LAMA4: variants seen among roughly 807,000 people sequenced by gnomAD.
The protein encoded by LAMA4 is laminin subunit alpha 4.
Under a neutral mutation model 207.1 loss-of-function variants are expected in LAMA4, and 127 were observed. The ratio of observed to expected loss-of-function variants is 0.61; its 90% confidence interval spans 0.53 to 0.71. The LOEUF is 0.71. Ranked by LOEUF, LAMA4 falls within the 30% of genes least tolerant of loss-of-function variation. The pLI, the probability that LAMA4 is intolerant of heterozygous loss-of-function variation, is 0.00. For synonymous variants in LAMA4, 761 were observed against 816.0 expected (o/e 0.93, Z 1.15); for missense variants, 2,093 against 2,246.5 (o/e 0.93, Z 1.38).
At chr6:112,121,744 A>G in intron 32 of LAMA4, 1 of 392,558 alleles carries the variant, frequency 2.5e-6, no homozygotes, top group South Asian at 2.3e-5. Flanking sequence ...AACTTGCTCC[A>G]TCTTCCTTTC....
At chr6:112,150,919 T>C (rs1264247609) in intron 16 of LAMA4, among the ~76,000 whole-genome samples, 1 of 152,158 alleles carries the variant, frequency 6.6e-6, no homozygotes, top group East Asian at 1.9e-4. Context: ...AGCAGCACAA[T>C]TGTTAAAGAG....
Position 112,142,001 on chromosome 6 carries a change from T to C in LAMA4, c.2667+118A>G, listed in dbSNP as rs115787422. 1,338 of 955,764 alleles carry C rather than the reference T, an allele frequency of 1.4e-3. 12 individuals carry two copies. The African/African-American group carries it at 0.017, about 12-fold the overall frequency. 59.2% of individuals were successfully genotyped at this position (955,764 alleles called of 1,614,324 possible). On this transcript the variant is annotated intron_variant, in intron 20 of 38. Transcript: ENST00000230538. ...ATTTTGCCATTAAAATGAGATCTTC[T>C]GAGTTACCAGAATGGGCATTGTTTT...
chr6:112,149,771 T>C (rs540296647), intron 17 of LAMA4, among the ~76,000 whole-genome samples: 3 of 152,330 alleles, frequency 2.0e-5, no homozygotes, highest in Admixed American at 2.0e-4. Flanking sequence ...GTCATTCTGA[T>C]GACGGTGATG....
chr6:112,154,669 A>T (rs916276043), intron 16 of LAMA4, 182 bp downstream of exon 16: 6 of 613,022 alleles, frequency 9.8e-6, no homozygotes, highest in Middle Eastern at 2.8e-4. Context: ...TTTTTTTTCA[A>T]TCACAATTTA....
In LAMA4 at chr6:112,153,629, T is replaced by C. The variant is rs1305567674; in HGVS notation, c.2056+1222A>G. ...TATCAAAAAGAATAAAATATTTAAG[T>C]CACTGTGTCATGAAGACTGACACAT... On this transcript the variant is annotated intron_variant, in intron 16 of 38. Transcript: ENST00000230538. 2.6e-5 allele frequency among the ~76,000 whole-genome samples: 4 copies of C among 152,112 alleles called. No individual in the cohort carries two copies. The South Asian group carries it at 6.2e-4, about 24-fold the overall frequency.
intron 1 of LAMA4, 45 bp from the exon 2 acceptor site, chr6:112,254,336 C>G: frequency 1.6e-6 from 1 of 634,410 alleles, no homozygotes; most frequent in Non-Finnish European, 2.7e-6. Flanking sequence ...AGAGTTCCAG[C>G]CTCTCTCTCC....
chr6:112,183,513 C>T (rs1357917454), intron 9 of LAMA4, among the ~76,000 whole-genome samples: 3 of 152,142 alleles, frequency 2.0e-5, no homozygotes, highest in African/African-American at 7.2e-5. Flanking sequence ...ACATTATTTC[C>T]TCTCCACGAA....
At chr6:112,197,411 T>C (rs1273819309) in intron 5 of LAMA4, among the ~76,000 whole-genome samples, 1 of 152,218 alleles carries the variant, frequency 6.6e-6, no homozygotes, top group Non-Finnish European at 1.5e-5. Context: ...TTTTATGTTT[T>C]AGACCAGTGT....
chr6:112,133,522 T>C (rs1554330624), intron 26 of LAMA4, 35 bp from the exon 27 acceptor site: 2 of 1,611,824 alleles, frequency 1.2e-6, no homozygotes, highest in East Asian at 4.5e-5. Flanking sequence ...GATACAGCCA[T>C]GATGATGATG....
intron 20 of LAMA4, 120 bp from the exon 21 acceptor site, chr6:112,141,623 A>T (rs1554333303): frequency 3.8e-6 from 3 of 788,960 alleles, no homozygotes; most frequent in Non-Finnish European, 2.1e-6. Context: ...TCTGGCCTGA[A>T]TTATTATCCG....
chr6:112,245,397 A>G (rs1444752420), intron 2 of LAMA4, among the ~76,000 whole-genome samples: 2 of 152,094 alleles, frequency 1.3e-5, no homozygotes, highest in Non-Finnish European at 2.9e-5. Context: ...GTTTCTTTGG[A>G]CTGACATTTG....
At chr6:112,216,521 C>T (rs782757793) in intron 2 of LAMA4, 52 bp from the exon 3 acceptor site, 4 of 1,255,504 alleles carry the variant, frequency 3.2e-6, no homozygotes, top group Non-Finnish European at 4.7e-6. Flanking sequence ...TGATTTTGGT[C>T]AATATTTTCT....
rs1442546420 is a variant in LAMA4 at position 112,136,263 on chromosome 6, A to G, written c.3283-9T>C. The G allele has an allele frequency of 1.9e-6, 3 of 1,605,644 alleles. No homozygotes were observed. The Admixed American group carries it at 5.0e-5, about 27-fold the overall frequency. On this transcript the variant is annotated splice_polypyrimidine_tract_variant and intron_variant, in intron 24 of 38. Transcript: ENST00000230538. ...AGTCTGAAAAACATACTCTGAGGAG[A>G]GAAAGGAATTGTAAGATAGGAACAT...
intron 2 of LAMA4, among the ~76,000 whole-genome samples, chr6:112,243,319 A>G (rs1786662886): frequency 6.6e-6 from 1 of 151,964 alleles, no homozygotes; most frequent in Non-Finnish European, 1.5e-5. Context: ...TGTTTCTTTC[A>G]GGCTCTGGAC....
At chr6:112,113,462 G>A (rs906561041) in intron 38 of LAMA4, among the ~76,000 whole-genome samples, 5 of 152,190 alleles carry the variant, frequency 3.3e-5, no homozygotes, top group African/African-American at 1.2e-4. Context: ...TTGCTTCACA[G>A]GTTTAAAACA....
At chr6:112,183,082 C>T (rs1782462510) in intron 9 of LAMA4, among the ~76,000 whole-genome samples, 1 of 152,106 alleles carries the variant, frequency 6.6e-6, no homozygotes, top group Non-Finnish European at 1.5e-5. Context: ...CACATGAAAT[C>T]CATGTGGCAG....
In LAMA4 at chr6:112,131,011, C is replaced by A; in HGVS notation, c.3925G>T (p.Asp1309Tyr). 1 of 1,613,184 alleles carries A rather than the reference C, an allele frequency of 6.2e-7. No homozygotes were observed. The highest frequency in any genetic ancestry group is 8.5e-7 in the Non-Finnish European group (1 of 1,179,270). ...CTAATGACGAAGTGGGACAGCCCAT[C>A]ATTGTACTGCTTATCTACTGACTGA... ...KVQSVDKQYN[D>Y]GLSHFVISSV... The change falls in exon 29 of 39, where the codon GAT becomes TAT. Residue 1309 changes from aspartate to tyrosine, a missense_variant. By Grantham distance (160) the Asp-to-Tyr change is radical (BLOSUM62 -3). Coordinates refer to ENST00000230538, the MANE Select transcript of LAMA4 (RefSeq NM_001105206.3).
At chr6:112,224,080 GC>G (rs1251931359) in intron 2 of LAMA4, among the ~76,000 whole-genome samples, 2 of 152,066 alleles carry the variant, frequency 1.3e-5, no homozygotes, top group Admixed American at 6.6e-5. Flanking sequence ...ATCACACCTG[GC>G]CCCATCATCT....
chr6:112,133,226 G>A (rs1355265200), intron 27 of LAMA4, 123 bp downstream of exon 27: 5 of 1,021,150 alleles, frequency 4.9e-6, no homozygotes, highest in Non-Finnish European at 6.2e-6. Context: ...CTTCTTTCTG[G>A]TGGTGGCAGA....
Sources: allele counts gnomAD v4.1 joint callset (sites outside exome capture counted in the v4.1 genomes callset), GRCh38; gene constraint gnomAD v4.1.1; transcripts MANE v1.5; gene names NCBI Gene and HGNC (gene_info 2026-07-23, HGNC 2026-07-21).